The following CTNND2 variants were observed in gnomAD, a reference collection of about 807,000 sequenced individuals.
The protein encoded by CTNND2 is catenin delta 2.
Under a neutral mutation model 144.4 loss-of-function variants are expected in CTNND2, and 22 were observed. That is an observed-to-expected ratio of 0.15 (90% confidence interval 0.11 to 0.22). CTNND2 has a LOEUF of 0.22. CTNND2 is among the 10% of genes least tolerant of loss of function. CTNND2 has a pLI of 1.00. For synonymous variants in CTNND2, 751 were observed against 695.6 expected, an observed-to-expected ratio of 1.08 and a Z score of -1.25; for missense variants, 1,353 against 1,618.8, an observed-to-expected ratio of 0.84 and a Z score of 2.82.
At chr5:11,736,931 T>A (rs1183387112) in intron 1 of CTNND2, among the ~76,000 whole-genome samples, 12 of 152,220 alleles carry the variant, frequency 7.9e-5, no homozygotes. Flanking sequence ...CAACATCTCA[T>A]GAACAATTTC....
At chr5:11,024,227 T>C (rs1190481973) in intron 16 of CTNND2, among the ~76,000 whole-genome samples, 1 of 152,222 alleles carries the variant, frequency 6.6e-6, no homozygotes, top group African/African-American at 2.4e-5. Flanking sequence ...TCTGCTCTTA[T>C]CCTATGTTTA....
intron 2 of CTNND2, among the ~76,000 whole-genome samples, chr5:11,664,970 T>G (rs191412768): frequency 6.6e-6 from 1 of 152,270 alleles, no homozygotes; most frequent in African/African-American, 2.4e-5. Context: ...CTCCCCGGAA[T>G]GAAAATTCAT....
chr5:11,147,585 A>G (rs1757360485), intron 12 of CTNND2, among the ~76,000 whole-genome samples: 2 of 152,044 alleles, frequency 1.3e-5, no homozygotes, highest in African/African-American at 4.8e-5. Context: ...AAATGGTGAA[A>G]TCTGTGTAGA....
chr5:11,098,653 C>T lies in CTNND2; in HGVS notation c.2559G>A (p.Leu853=), dbSNP rs760426405. The T allele has an allele frequency of 6.5e-5, 105 of 1,614,004 alleles. 2 individuals are homozygous for T. Among genetic ancestry groups the T allele is most frequent in the East Asian group, 6.0e-4 (27 of 44,886 alleles). Residue 853 remains leucine, a synonymous_variant, in exon 15 of 22, where the codon CTG becomes CTA. Transcript: ENST00000304623. ...TGTCTGGATTTGAGCACTCAGAGAG[C>T]AGTGTGAGGTAGGGTTTGACTATTG... The part of the protein sequence containing the change: ...HPSIVKPYLT[L]LSECSNPDTL...
intron 9 of CTNND2, among the ~76,000 whole-genome samples, chr5:11,245,914 T>C (rs568372545): frequency 1.4e-4 from 21 of 152,236 alleles, no homozygotes; most frequent in Admixed American, 3.3e-4. Context: ...TGATTTACTC[T>C]GACTTTCTGA....
chr5:11,523,440 A>G (rs1359006556), intron 3 of CTNND2, among the ~76,000 whole-genome samples: 1 of 152,166 alleles, frequency 6.6e-6, no homozygotes, highest in Non-Finnish European at 1.5e-5. Flanking sequence ...ATGATCCTAA[A>G]TTCCTGCACT....
intron 3 of CTNND2, among the ~76,000 whole-genome samples, chr5:11,509,357 T>TA (rs35004088): frequency 0.11 from 16,013 of 152,116 alleles, 945 homozygotes; most frequent in African/African-American, 0.15. Context: ...TGTGGAACTA[T>TA]AAAAAAACCC....
intron 1 of CTNND2, among the ~76,000 whole-genome samples, chr5:11,775,335 C>A (rs1351956725): frequency 1.3e-5 from 2 of 152,174 alleles, no homozygotes; most frequent in Non-Finnish European, 2.9e-5. Flanking sequence ...AGAAGTCATG[C>A]AACTTTCCCT....
At chr5:11,122,797 A>G (rs114452806) in intron 12 of CTNND2, among the ~76,000 whole-genome samples, 2,611 of 152,084 alleles carry the variant, frequency 0.017, 62 homozygotes, top group African/African-American at 0.057. Flanking sequence ...GAGAGTCCCA[A>G]GGCACCGTCC....
chr5:11,230,093 C>T (rs1437291302), intron 10 of CTNND2, among the ~76,000 whole-genome samples: 2 of 151,474 alleles, frequency 1.3e-5, no homozygotes, highest in Non-Finnish European at 2.9e-5. Context: ...TGGAAACCAT[C>T]ATTCTCAGTA....
intron 7 of CTNND2, among the ~76,000 whole-genome samples, chr5:11,365,499 A>G (rs1167277543): frequency 6.6e-6 from 1 of 152,232 alleles, no homozygotes; most frequent in Non-Finnish European, 1.5e-5. Flanking sequence ...ATTTACATTT[A>G]GCCTGCCTCT....
intron 11 of CTNND2, among the ~76,000 whole-genome samples, chr5:11,186,745 G>T (rs541210793): frequency 1.3e-5 from 2 of 152,260 alleles, no homozygotes; most frequent in East Asian, 3.9e-4. Flanking sequence ...AAAATCTAGG[G>T]TCCAGAAATA....
At chr5:11,066,187 A>G (rs1230663445) in intron 16 of CTNND2, among the ~76,000 whole-genome samples, 1 of 151,960 alleles carries the variant, frequency 6.6e-6, no homozygotes, top group Non-Finnish European at 1.5e-5. Context: ...CTACAGGTGC[A>G]CGCCACCATA....
intron 9 of CTNND2, among the ~76,000 whole-genome samples, chr5:11,328,974 A>T (rs1175522206): frequency 6.6e-6 from 1 of 152,186 alleles, no homozygotes; most frequent in East Asian, 1.9e-4. Context: ...CCAAGATCCA[A>T]GTCCTGGCAG....
chr5:11,152,880 G>A (rs1757868698), intron 12 of CTNND2, among the ~76,000 whole-genome samples: 1 of 152,186 alleles, frequency 6.6e-6, no homozygotes, highest in African/African-American at 2.4e-5. Flanking sequence ...CCAGGTGTGG[G>A]AAAATGGGGT....
Position 10,973,593 on chromosome 5 carries a change from G to A in CTNND2, c.3538C>T (p.Pro1180Ser). The A allele has an allele frequency of 1.2e-6, 2 of 1,614,182 alleles. No individual in the cohort carries two copies. The highest frequency in any genetic ancestry group is 1.7e-6 in the Non-Finnish European group (2 of 1,180,038). ...TGCATGGTGTACTCGCTGGCGGGAGGGCGATGGTGGACCTGGTCCTCGAAG... is the reference window on the plus strand; with the variant it reads ...TGCATGGTGTACTCGCTGGCGGGAGAGCGATGGTGGACCTGGTCCTCGAAG... ...SFFEDQVHHRPPASEYTMHLG... is the reference protein window; with the variant it reads ...SFFEDQVHHRSPASEYTMHLG... Residue 1180 changes from proline (P) to serine (S), a missense_variant, in exon 22 of 22, where the codon CCT (proline) becomes TCT (serine). Pro to Ser is a moderately conservative substitution (Grantham distance 74). Coordinates refer to ENST00000304623, the MANE Select transcript of CTNND2 (RefSeq NM_001332.4). The surrounding 1 kb of genome is among the most constrained non-coding windows in gnomAD (Gnocchi z 5.6).
At chr5:11,895,061 G>T (rs888145015) in intron 1 of CTNND2, among the ~76,000 whole-genome samples, 2 of 152,102 alleles carry the variant, frequency 1.3e-5, no homozygotes, top group African/African-American at 4.8e-5. Flanking sequence ...AGAAAATCAT[G>T]TGTTTGCCTA....
At chr5:11,615,903 G>T (rs1345413148) in intron 2 of CTNND2, among the ~76,000 whole-genome samples, 2 of 152,124 alleles carry the variant, frequency 1.3e-5, no homozygotes, top group Non-Finnish European at 2.9e-5. Context: ...AAATATTCCT[G>T]TGTGGTGGAC....
intron 9 of CTNND2, among the ~76,000 whole-genome samples, chr5:11,260,716 T>C (rs1022956016): frequency 6.6e-6 from 1 of 152,130 alleles, no homozygotes; most frequent in African/African-American, 2.4e-5. Flanking sequence ...CTCAACAAGA[T>C]AGTACTGGGG....
Sources: gnomAD v4.1 joint callset for allele counts (sites outside exome capture counted in the v4.1 genomes callset) on GRCh38, gnomAD v4.1.1 for gene constraint, Gnocchi (gnomAD v3.1) non-coding constraint, MANE v1.5 for transcripts, NCBI Gene and HGNC (gene_info 2026-07-23, HGNC 2026-07-21) for gene names.